SH3BP4: variants seen among roughly 807,000 people sequenced by gnomAD.
The protein encoded by SH3BP4 is SH3 domain-binding protein 4.
SH3BP4 carries 33 observed loss-of-function variants against 65.5 expected under a neutral mutation model. The ratio of observed to expected loss-of-function variants is 0.50; its 90% CI spans 0.38 to 0.67. The LOEUF is 0.67. Ranked by LOEUF, SH3BP4 falls within the 30% of genes least tolerant of loss-of-function variation. The pLI is 0.00. For synonymous variants in SH3BP4, 552 were observed against 545.5 expected (o/e 1.01, Z -0.17); for missense variants, 1,134 against 1,261.4 (o/e 0.90, Z 1.53).
intron 1 of SH3BP4, among the ~76,000 whole-genome samples, chr2:234,964,799 G>C (rs776428297): frequency 2.6e-5 from 4 of 152,132 alleles, no homozygotes; most frequent in Non-Finnish European, 5.9e-5. Flanking sequence ...GTATCTAAGG[G>C]CACCAAGAAG....
chr2:235,008,360 C>T (rs1428060531), intron 2 of SH3BP4, among the ~76,000 whole-genome samples: 1 of 152,130 alleles, frequency 6.6e-6, no homozygotes, highest in Non-Finnish European at 1.5e-5. Flanking sequence ...AGCCTCCCTG[C>T]AGGGCCCAGG....
intron 4 of SH3BP4, among the ~76,000 whole-genome samples, chr2:235,044,803 A>T (rs1218362345): frequency 6.6e-6 from 1 of 152,198 alleles, no homozygotes; most frequent in Non-Finnish European, 1.5e-5. Context: ...GCAGCCCGGC[A>T]GGAGTGGGGC....
intron 1 of SH3BP4, among the ~76,000 whole-genome samples, chr2:234,972,163 A>G (rs1389453659): frequency 7.7e-6 from 1 of 130,376 alleles, no homozygotes; most frequent in Non-Finnish European, 1.6e-5. Flanking sequence ...ACAGTGTCTC[A>G]ATCTGTCGCC....
chr2:235,052,414 G>T lies in SH3BP4; in HGVS notation c.2479-148G>T, dbSNP rs1436868213. ...TCTCCCGTGAATCCTGGCAGTGATC[G>T]ATTTCAGGGGACATTTGGTAGTAGG... On this transcript the variant is annotated intron_variant, in intron 4 of 5. Transcript: ENST00000392011. This position sits in a 1 kb window ranked among gnomAD's most constrained non-coding sequence, Gnocchi z 5.0. 3 of 598,240 alleles carry T rather than the reference G, an allele frequency of 5.0e-6. No individual in the cohort carries two copies. Among genetic ancestry groups the T allele is most frequent in the Non-Finnish European group, 8.4e-6 (3 of 355,710 alleles). The allele number at this position is 598,240 out of a possible 1,614,324, so 37.1% of individuals were successfully genotyped here.
At chr2:235,002,181 G>A (rs1251539244) in intron 2 of SH3BP4, among the ~76,000 whole-genome samples, 2 of 152,168 alleles carry the variant, frequency 1.3e-5, no homozygotes, top group Non-Finnish European at 2.9e-5. Flanking sequence ...ATTTTTAAAC[G>A]ATGCAATTCT....
Position 235,052,810 on chromosome 2 carries a change from C to T in SH3BP4, c.2667+60C>T. Reference sequence around the variant, plus strand: ...CCTCTGTCCCTGGGTTCCGTGGACCCATGCAGTGCAGCCATAAAAAGTCTT... The same window carrying T: ...CCTCTGTCCCTGGGTTCCGTGGACCTATGCAGTGCAGCCATAAAAAGTCTT... On this transcript the variant is annotated intron_variant, in intron 5 of 5. Coordinates refer to ENST00000392011, the MANE Select transcript of SH3BP4 (RefSeq NM_014521.3). This position sits in a 1 kb window ranked among gnomAD's most constrained non-coding sequence, Gnocchi z 5.0. 1 of 1,435,740 alleles carries T rather than the reference C, an allele frequency of 7.0e-7. No homozygotes were observed. Among genetic ancestry groups the T allele is most frequent in the Non-Finnish European group, 9.3e-7 (1 of 1,071,200 alleles). The allele number at this position is 1,435,740 out of a possible 1,614,324, so 88.9% of individuals were successfully genotyped here.
At position 235,041,711 on chromosome 2, in the gene SH3BP4, C is replaced by G; in HGVS notation, c.942C>G (p.Ala314=). 6.2e-7 allele frequency: 1 copy of G among 1,612,050 alleles called. No individual in the cohort carries two copies. Among genetic ancestry groups the G allele is most frequent in the Non-Finnish European group, 8.5e-7 (1 of 1,178,744 alleles). Residue 314 remains alanine (A), a synonymous_variant, in exon 4 of 6, where the codon GCC becomes GCG. Coordinates refer to ENST00000392011, the MANE Select transcript of SH3BP4 (RefSeq NM_014521.3). The surrounding 1 kb of genome is among the most constrained non-coding windows in gnomAD (Gnocchi z 6.0). ...GCCCTGGTTGGGGCCAGACCCAAGCCGTGGAGACAAACATCGTGTGCAAGC... is the reference window on the plus strand; with the variant it reads ...GCCCTGGTTGGGGCCAGACCCAAGCGGTGGAGACAAACATCGTGTGCAAGC... ...GQSPGWGQTQ[A]VETNIVCKLD... is the part of the protein sequence containing the mutation.
chr2:234,985,914 G>A (rs1462216614), intron 1 of SH3BP4, among the ~76,000 whole-genome samples: 1 of 151,780 alleles, frequency 6.6e-6, no homozygotes, highest in Non-Finnish European at 1.5e-5. Context: ...ACACACCTAC[G>A]AGAACAGGGA....
Position 234,976,293 on chromosome 2 carries a change from A to T in SH3BP4, c.-206-19010A>T, listed in dbSNP as rs1693166379. On this transcript the variant is annotated intron_variant, in intron 1 of 5. Coordinates refer to ENST00000392011, the MANE Select transcript of SH3BP4 (RefSeq NM_014521.3). This position sits in a 1 kb window ranked among gnomAD's most constrained non-coding sequence, Gnocchi z 4.7. Reference sequence around the variant, plus strand: ...TGGTATCTGGGCCCTTCTCCTAAAAATTGCCTTTTTATAAATGCAGGCCAG... The same window carrying T: ...TGGTATCTGGGCCCTTCTCCTAAAATTTGCCTTTTTATAAATGCAGGCCAG... Among the ~76,000 whole-genome samples the T allele has an allele frequency of 4.6e-5, 7 of 152,214 alleles. No individual in the cohort carries two copies. The highest frequency in any genetic ancestry group is 3.9e-4 in the Admixed American group (6 of 15,290).
chr2:234,998,631 C>A (rs1303069975), intron 2 of SH3BP4, among the ~76,000 whole-genome samples: 1 of 152,222 alleles, frequency 6.6e-6, no homozygotes, highest in East Asian at 1.9e-4. Context: ...CATTCTTGGT[C>A]CTGTGTCACC....
At position 235,053,734 on chromosome 2, in the gene SH3BP4, G is replaced by A. The variant is rs1311961613; in HGVS notation, c.2810G>A (p.Gly937Glu). The change falls in exon 6 of 6, where the codon GGG becomes GAG. Residue 937 changes from glycine to glutamate, a missense_variant. Gly to Glu is a moderately conservative substitution (Grantham distance 98). Coordinates refer to ENST00000392011, the MANE Select transcript of SH3BP4 (RefSeq NM_014521.3). Reference sequence around the variant, plus strand: ...ACCAAGCGCTGGAAGCACCTCACTGGGACTCTGATCTTGGTGAACTCCCTG... The same window carrying A: ...ACCAAGCGCTGGAAGCACCTCACTGAGACTCTGATCTTGGTGAACTCCCTG... The part of the protein sequence containing the change: ...PITKRWKHLT[G>E]TLILVNSLDV... 6.2e-7 allele frequency: 1 copy of A among 1,614,092 alleles called. No individual in the cohort carries two copies. The highest frequency in any genetic ancestry group is 1.3e-5 in the African/African-American group (1 of 74,934).
In SH3BP4 at chr2:235,034,970, C is replaced by T. The variant is rs773903977; in HGVS notation, c.-33C>T. On this transcript the variant is annotated 5_prime_UTR_variant, in exon 3 of 6. Transcript: ENST00000392011. This position sits in a 1 kb window ranked among gnomAD's most constrained non-coding sequence, Gnocchi z 6.2. ...ATAACTGGAGGAAGAAATATGAAGC[C>T]TTAGCGGCTTTACCCGGGAAGCGAG... 6.3e-7 allele frequency: 1 copy of T among 1,575,660 alleles called. No homozygotes were observed. Among genetic ancestry groups the T allele is most frequent in the East Asian group, 2.2e-5 (1 of 44,668 alleles).
At chr2:234,988,064 A>AT (rs1312162671) in intron 1 of SH3BP4, among the ~76,000 whole-genome samples, 13 of 150,788 alleles carry the variant, frequency 8.6e-5, no homozygotes, top group East Asian at 3.9e-4. Flanking sequence ...TGCCAGCCAC[A>AT]TTTTTTTTTC....
chr2:234,973,249 C>T (rs982155138), intron 1 of SH3BP4, among the ~76,000 whole-genome samples: 1 of 152,172 alleles, frequency 6.6e-6, no homozygotes, highest in East Asian at 1.9e-4. Flanking sequence ...CACCATCCAC[C>T]TGTGAGCCAT....
At chr2:234,953,241 G>C in intron 1 of SH3BP4, 1 of 152,224 alleles carries the variant, frequency 6.6e-6, no homozygotes. Context: ...TAGAGATAAA[G>C]AGAAATATAA....
intron 1 of SH3BP4, among the ~76,000 whole-genome samples, chr2:234,980,932 C>T (rs1443181309): frequency 6.6e-6 from 1 of 152,144 alleles, no homozygotes; most frequent in Non-Finnish European, 1.5e-5. Context: ...CTGTGTCGCC[C>T]AGGCTGGAGT....
chr2:235,048,179 T>C lies in SH3BP4; in HGVS notation c.2479-4383T>C, dbSNP rs369681628. 7.9e-5 allele frequency among the ~76,000 whole-genome samples: 12 copies of C among 152,010 alleles called. No individual in the cohort carries two copies. In the East Asian group the frequency reaches 9.7e-4, roughly 12 times the overall value. ...AAGCCAGAGCCTGTGGCTGTTAATG[T>C]GGGAGAGGGAAGGAGGATGGGCCCA... is the stretch of plus-strand genomic sequence containing the variant. On this transcript the variant is annotated intron_variant, in intron 4 of 5. Coordinates refer to ENST00000392011, the MANE Select transcript of SH3BP4 (RefSeq NM_014521.3).
rs767996300 is a variant in SH3BP4 at position 235,042,173 on chromosome 2, C to T, written c.1404C>T (p.Asp468=). The stretch of plus-strand genomic sequence containing the variant: ...TCCTCTACCCTTCCACCGTGTGGGA[C>T]TTCATCAATAAAAAAGTCACAGTGG... The part of the protein sequence containing the change: ...PSILYPSTVW[D]FINKKVTVGL... Residue 468 remains aspartate, a synonymous_variant, in exon 4 of 6, where the codon GAC becomes GAT. Transcript: ENST00000392011. This position sits in a 1 kb window ranked among gnomAD's most constrained non-coding sequence, Gnocchi z 7.3. 6.2e-7 allele frequency: 1 copy of T among 1,614,060 alleles called. No homozygotes were observed. Among genetic ancestry groups the T allele is most frequent in the South Asian group, 1.1e-5 (1 of 91,070 alleles).
At chr2:235,017,021 GGCA>G (rs1165016296) in intron 2 of SH3BP4, among the ~76,000 whole-genome samples, 2 of 148,808 alleles carry the variant, frequency 1.3e-5, no homozygotes, top group East Asian at 3.9e-4. Flanking sequence ...TCTCACTTTC[GGCA>G]GCGAGTTTCT....
Sources: gnomAD v4.1 joint callset for allele counts (sites outside exome capture counted in the v4.1 genomes callset) on GRCh38, gnomAD v4.1.1 for gene constraint, Gnocchi (gnomAD v3.1) non-coding constraint, MANE v1.5 for transcripts, NCBI Gene and HGNC (gene_info 2026-07-23, HGNC 2026-07-21) for gene names.